Variants in ADGRB3 observed in about 807,000 individuals in gnomAD.
ADGRB3 encodes the protein adhesion G protein-coupled receptor B3.
ADGRB3 carries 37 observed loss-of-function variants against 193.4 expected under a neutral mutation model. The observed-to-expected ratio is 0.19, with a 90% confidence interval of 0.15 to 0.25. The LOEUF (loss-of-function observed/expected upper bound fraction) is 0.25. Among genes scored for constraint, ADGRB3 ranks in the 10% least tolerant of loss-of-function variants. The pLI, the probability that ADGRB3 is intolerant of heterozygous loss-of-function variation, is 1.00. For synonymous variants in ADGRB3, 690 were observed against 644.2 expected, an observed-to-expected ratio of 1.07 and a Z score of -1.08; for missense variants, 1,637 against 1,852.9, an observed-to-expected ratio of 0.88 and a Z score of 2.14.
intron 3 of ADGRB3, among the ~76,000 whole-genome samples, chr6:68,739,630 T>G (rs537102313): frequency 3.3e-5 from 5 of 152,188 alleles, no homozygotes; most frequent in East Asian, 1.9e-4. Context: ...AATAAACAGC[T>G]GAGAGTGAGG....
chr6:68,636,869 T>G (rs1767970781), intron 1 of ADGRB3, among the ~76,000 whole-genome samples: 1 of 151,338 alleles, frequency 6.6e-6, no homozygotes, highest in South Asian at 2.1e-4. Flanking sequence ...ATTCCTAATT[T>G]AGACACTTAT....
At chr6:68,860,343 T>G (rs961399970) in intron 3 of ADGRB3, among the ~76,000 whole-genome samples, 16 of 152,232 alleles carry the variant, frequency 1.1e-4, no homozygotes, top group African/African-American at 3.6e-4. Context: ...ACTTGAATAA[T>G]GAATATTGTA....
chr6:69,261,132 C>G (rs1766915819), intron 20 of ADGRB3, among the ~76,000 whole-genome samples: 1 of 152,050 alleles, frequency 6.6e-6, no homozygotes, highest in Non-Finnish European at 1.5e-5. Flanking sequence ...TTGTCACACA[C>G]AAAAATACAA....
At chr6:68,826,783 G>C (rs767055384) in intron 3 of ADGRB3, among the ~76,000 whole-genome samples, 42 of 152,266 alleles carry the variant, frequency 2.8e-4, no homozygotes, top group Non-Finnish European at 5.1e-4. Flanking sequence ...TACAGGACTT[G>C]TTAATGGATT....
intron 17 of ADGRB3, among the ~76,000 whole-genome samples, chr6:69,128,289 A>G (rs192916722): frequency 7.9e-5 from 12 of 152,218 alleles, no homozygotes; most frequent in Admixed American, 5.2e-4. Flanking sequence ...TGCCACATCA[A>G]TTTTACTTAA....
intron 17 of ADGRB3, among the ~76,000 whole-genome samples, chr6:69,180,451 A>G (rs902411852): frequency 6.6e-6 from 1 of 152,052 alleles, no homozygotes; most frequent in Non-Finnish European, 1.5e-5. Flanking sequence ...AGACGTCTTC[A>G]CTGTACAACA....
At chr6:69,040,359 TTC>T (rs1168594780) in intron 13 of ADGRB3, among the ~76,000 whole-genome samples, 11 of 53,758 alleles carry the variant, frequency 2.0e-4, no homozygotes, top group Non-Finnish European at 4.3e-4. Flanking sequence ...CTTTCTTTCT[TTC>T]TTTCTTTCTT....
At chr6:69,159,894 C>G (rs990801852) in intron 17 of ADGRB3, among the ~76,000 whole-genome samples, 1 of 152,180 alleles carries the variant, frequency 6.6e-6, no homozygotes, top group Admixed American at 6.6e-5. Flanking sequence ...CTTTCCTATC[C>G]CAGTAAAAGA....
At chr6:68,953,337 T>C (rs1245959826) in intron 6 of ADGRB3, among the ~76,000 whole-genome samples, 9 of 152,208 alleles carry the variant, frequency 5.9e-5, no homozygotes, top group Non-Finnish European at 1.3e-4. Context: ...TTCACCTTTG[T>C]TAATGTGCTG....
intron 3 of ADGRB3, among the ~76,000 whole-genome samples, chr6:68,921,537 G>A (rs955813871): frequency 2.0e-5 from 3 of 152,108 alleles, no homozygotes; most frequent in Non-Finnish European, 4.4e-5. Flanking sequence ...GGTGTGGAAT[G>A]TGGCAATATC....
chr6:69,169,503 T>TATAATTAAATTATATAATTATC (rs1342311968), intron 17 of ADGRB3, among the ~76,000 whole-genome samples: 4 of 149,922 alleles, frequency 2.7e-5, no homozygotes, highest in African/African-American at 4.9e-5. Context: ...AATTACAAAT[T>TATAATTAAATTATATAATTATC]ATAATTAAAT....
At position 69,176,972 on chromosome 6, in the gene ADGRB3, A is replaced by G. The variant is rs1035931895; in HGVS notation, c.2481-56318A>G. On this transcript the variant is annotated intron_variant, in intron 17 of 31. Coordinates refer to ENST00000370598, the MANE Select transcript of ADGRB3 (RefSeq NM_001704.3). ...TCTGTATTTCTGTGGAATTGGTTGT[A>G]TAGTCACTTTCGTCATTTCTGATTG... Among the ~76,000 whole-genome samples, 3 of 152,186 alleles carry G rather than the reference A, an allele frequency of 2.0e-5. No individual in the cohort carries two copies. In the South Asian group the frequency reaches 6.2e-4, roughly 31 times the overall value.
At chr6:69,371,112 G>T (rs970478419) in intron 29 of ADGRB3, among the ~76,000 whole-genome samples, 44 of 152,068 alleles carry the variant, frequency 2.9e-4, no homozygotes, top group Non-Finnish European at 2.9e-5. Context: ...TGTACTTGAA[G>T]ACTGCATTTT....
intron 3 of ADGRB3, among the ~76,000 whole-genome samples, chr6:68,780,777 C>T (rs535529040): frequency 1.3e-5 from 2 of 152,108 alleles, no homozygotes; most frequent in Admixed American, 6.6e-5. Flanking sequence ...CACCCAGTTT[C>T]CCCCAATGGT....
chr6:69,321,384 G>A (rs1768452585), intron 20 of ADGRB3, among the ~76,000 whole-genome samples: 1 of 151,826 alleles, frequency 6.6e-6, no homozygotes, highest in African/African-American at 2.4e-5. Flanking sequence ...AACTTGAAAT[G>A]CTAGTGAGTC....
chr6:69,017,599 G>A (rs889118475), intron 12 of ADGRB3, among the ~76,000 whole-genome samples: 2 of 151,918 alleles, frequency 1.3e-5, no homozygotes, highest in Non-Finnish European at 2.9e-5. Flanking sequence ...GTGCCATGAT[G>A]TTGAAAAAAT....
chr6:69,213,435 T>C (rs1023215690), intron 17 of ADGRB3, among the ~76,000 whole-genome samples: 2 of 152,234 alleles, frequency 1.3e-5, no homozygotes, highest in African/African-American at 4.8e-5. Flanking sequence ...TTCAGGATTA[T>C]ACCTGTATTT....
chr6:68,818,790 A>T (rs1767686157), intron 3 of ADGRB3, among the ~76,000 whole-genome samples: 1 of 152,116 alleles, frequency 6.6e-6, no homozygotes, highest in South Asian at 2.1e-4. Flanking sequence ...AAATACAGAA[A>T]ATTCAAGGAC....
intron 17 of ADGRB3, among the ~76,000 whole-genome samples, chr6:69,195,709 T>A (rs58928253): frequency 2.0e-5 from 3 of 152,018 alleles, no homozygotes; most frequent in African/African-American, 7.2e-5. Flanking sequence ...ACAAAGTTTT[T>A]TTTTTGTTTG....
Sources: allele counts gnomAD v4.1 joint callset (sites outside exome capture counted in the v4.1 genomes callset), GRCh38; gene constraint gnomAD v4.1.1; transcripts MANE v1.5; gene names NCBI Gene and HGNC (gene_info 2026-07-23, HGNC 2026-07-21).